Variants in BRAF observed in about 807,000 individuals in gnomAD.
BRAF encodes the protein B-Raf proto-oncogene, serine/threonine kinase.
BRAF carries 16 observed loss-of-function variants against 104.6 expected under a neutral mutation model. That is an observed-to-expected ratio of 0.15 (90% CI 0.10 to 0.23). The LOEUF (loss-of-function observed/expected upper bound fraction) is 0.23. Ranked by LOEUF, BRAF falls within the 10% of genes least tolerant of loss-of-function variation. The probability of loss-of-function intolerance (pLI) is 1.00; values close to 1 mark genes in which losing one functional copy is unlikely to be tolerated. For synonymous variants in BRAF, 310 were observed against 341.6 expected, an observed-to-expected ratio of 0.91 and a Z score of 1.02; for missense variants, 541 against 937.3, an observed-to-expected ratio of 0.58 and a Z score of 5.52.
intron 18 of BRAF, 40 bp from the exon 18 acceptor site, chr7:140,734,810 A>G: frequency 1.4e-6 from 2 of 1,451,460 alleles, no homozygotes; most frequent in Non-Finnish European, 1.8e-6. Flanking sequence ...AAAAAAAGAA[A>G]AAAGAAAAAA....
intron 3 of BRAF, among the ~76,000 whole-genome samples, chr7:140,814,394 G>A (rs1165560823): frequency 1.3e-5 from 2 of 152,124 alleles, no homozygotes; most frequent in Non-Finnish European, 2.9e-5. Flanking sequence ...GCCAGACATG[G>A]TGGCTCATGC....
intron 1 of BRAF, among the ~76,000 whole-genome samples, chr7:140,904,485 A>T (rs929270162): frequency 4.6e-5 from 7 of 152,206 alleles, no homozygotes; most frequent in African/African-American, 1.7e-4. Context: ...ATCTAAAGAC[A>T]TAACATTTGA....
chr7:140,909,836 C>CA (rs1366702068), intron 1 of BRAF, among the ~76,000 whole-genome samples: 23 of 148,476 alleles, frequency 1.5e-4, no homozygotes, highest in African/African-American at 5.5e-4. Context: ...ACAACAACAA[C>CA]AACAACAACA....
chr7:140,867,445 G>C (rs1250140894), intron 1 of BRAF, among the ~76,000 whole-genome samples: 5 of 151,972 alleles, frequency 3.3e-5, no homozygotes, highest in Non-Finnish European at 7.4e-5. Context: ...GAGTGCCAGG[G>C]TTCTAGGCAA....
At chr7:140,806,270 A>G (rs568520205) in intron 5 of BRAF, among the ~76,000 whole-genome samples, 1 of 152,358 alleles carries the variant, frequency 6.6e-6, no homozygotes, top group African/African-American at 2.4e-5. Context: ...AAGCCAGGTT[A>G]GGAATCTCTG....
intron 2 of BRAF, among the ~76,000 whole-genome samples, chr7:140,838,605 G>A (rs1480901916): frequency 3.3e-5 from 5 of 152,086 alleles, no homozygotes; most frequent in African/African-American, 1.2e-4. Context: ...AAACTGACAA[G>A]CTGATCTTAA....
intron 1 of BRAF, among the ~76,000 whole-genome samples, chr7:140,879,170 G>A (rs982583809): frequency 2.0e-5 from 3 of 151,876 alleles, no homozygotes; most frequent in Non-Finnish European, 4.4e-5. Flanking sequence ...GAGCCACCAC[G>A]CCTGGCCATA....
At chr7:140,906,081 C>A (rs1405031034) in intron 1 of BRAF, among the ~76,000 whole-genome samples, 1 of 83,140 alleles carries the variant, frequency 1.2e-5, no homozygotes, top group Non-Finnish European at 2.1e-5. Context: ...GAGCGAGACT[C>A]CGTCTCAAAA....
At chr7:140,855,000 A>G (rs1431448039) in intron 1 of BRAF, among the ~76,000 whole-genome samples, 2 of 152,170 alleles carry the variant, frequency 1.3e-5, no homozygotes, top group African/African-American at 4.8e-5. Context: ...GGGCCAGACC[A>G]TAAGTGTCTG....
At chr7:140,719,316 A>G (rs1298287184), downstream of BRAF, 1 of 935,644 alleles carries the variant, frequency 1.1e-6, no homozygotes, top group African/African-American at 1.8e-5. Context: ...GTGTTAGAAA[A>G]ATAGTCTTGA....
intron 1 of BRAF, among the ~76,000 whole-genome samples, chr7:140,887,460 G>C (rs1454822409): frequency 6.6e-6 from 1 of 152,088 alleles, no homozygotes; most frequent in Non-Finnish European, 1.5e-5. Flanking sequence ...TTGAAATGGA[G>C]AACATCAGTT....
In BRAF at chr7:140,896,338, C is replaced by A. The variant is rs368085334; in HGVS notation, c.138+28228G>T. On this transcript the variant is annotated intron_variant, in intron 1 of 19. Transcript: ENST00000644969. Reference sequence around the variant, plus strand: ...AAAATATATTTTTTTCTAAACATCTCATTCACAACAGCACAAAAAGATTCT... The same window carrying A: ...AAAATATATTTTTTTCTAAACATCTAATTCACAACAGCACAAAAAGATTCT... 7.9e-5 allele frequency among the ~76,000 whole-genome samples: 12 copies of A among 152,234 alleles called. 1 individual carries two copies. The South Asian group carries it at 8.3e-4, about 11-fold the overall frequency.
At position 140,924,727 on chromosome 7, in the gene BRAF, G is replaced by C. The variant is rs1407485613; in HGVS notation, c.-24C>G. The C allele has an allele frequency of 2.4e-6, 2 of 833,382 alleles. No homozygotes were observed. The highest frequency in any genetic ancestry group is 3.8e-6 in the Non-Finnish European group (2 of 531,494). The allele number at this position is 833,382 out of a possible 1,614,324, so 51.6% of individuals were successfully genotyped here. ...ATCTTATAACCGAGAGCCGGGGCCC[G>C]AGCGGCCGCTGTCGGGCGGGGAGGG... On this transcript the variant is annotated 5_prime_UTR_variant, in exon 1 of 20. Transcript: ENST00000644969. This position sits in a 1 kb window ranked among gnomAD's most constrained non-coding sequence, Gnocchi z 4.2.
chr7:140,765,502 G>C (rs1215868404), intron 14 of BRAF, among the ~76,000 whole-genome samples: 1 of 152,074 alleles, frequency 6.6e-6, no homozygotes, highest in Admixed American at 6.5e-5. Flanking sequence ...TACCATCAGA[G>C]TGAACAGGCA....
chr7:140,866,443 G>C (rs7792984), intron 1 of BRAF, among the ~76,000 whole-genome samples: 1 of 151,962 alleles, frequency 6.6e-6, no homozygotes, highest in Non-Finnish European at 1.5e-5. Flanking sequence ...AGGACTGTGC[G>C]CTCTGTGAAT....
rs1586656643 is a variant in BRAF at position 140,919,124 on chromosome 7, G to A, written c.138+5442C>T. Among the ~76,000 whole-genome samples the A allele has an allele frequency of 2.7e-5, 4 of 145,642 alleles. 1 individual carries two copies. The highest frequency in any genetic ancestry group is 2.6e-5 in the African/African-American group (1 of 38,810). On this transcript the variant is annotated intron_variant, in intron 1 of 19. Coordinates refer to ENST00000644969, the MANE Select transcript of BRAF (RefSeq NM_001374258.1). ...ATCGCGCCACTGCACTCCAGTCTGC[G>A]AGACAGAGCGAGACTCCGTCTCAAA...
chr7:140,736,822 A>AGG (rs1167768357), intron 18 of BRAF, among the ~76,000 whole-genome samples: 9 of 152,198 alleles, frequency 5.9e-5, no homozygotes, highest in African/African-American at 2.2e-4. Flanking sequence ...GGATCGCTTG[A>AGG]GGCCAGGAGT....
At chr7:140,734,816 A>G in intron 18 of BRAF, 46 bp from the exon 18 acceptor site, 1 of 1,426,054 alleles carries the variant, frequency 7.0e-7, no homozygotes, top group Non-Finnish European at 9.1e-7. Flanking sequence ...AGAAAAAAGA[A>G]AAAAAAAGAA....
rs189627435 is a variant in BRAF at position 140,726,829 on chromosome 7, A to C, written c.2402-313T>G. 9.5e-4 allele frequency among the ~76,000 whole-genome samples: 145 copies of C among 152,364 alleles called. 1 individual carries two copies. Among genetic ancestry groups the C allele is most frequent in the African/African-American group, 3.4e-3 (141 of 41,598 alleles). ...ACAAAATTTCTCAGAAACTGAATGT[A>C]AAGTAGTAATGTCAATTTGTAGAAT... On this transcript the variant is annotated intron_variant, in intron 19 of 19. Transcript: ENST00000644969.
Sources: gnomAD v4.1 joint callset for allele counts (sites outside exome capture counted in the v4.1 genomes callset) on GRCh38, gnomAD v4.1.1 for gene constraint, Gnocchi (gnomAD v3.1) non-coding constraint, MANE v1.5 for transcripts, NCBI Gene and HGNC (gene_info 2026-07-23, HGNC 2026-07-21) for gene names.